Variants in NKAIN3 observed in about 807,000 individuals in gnomAD.
NKAIN3 encodes the protein sodium/potassium transporting ATPase interacting 3.
Under a neutral mutation model 30.2 loss-of-function variants are expected in NKAIN3, and 25 were observed. The ratio of observed to expected loss-of-function variants is 0.83; its 90% CI spans 0.60 to 1.16. The LOEUF (loss-of-function observed/expected upper bound fraction) is 1.16. NKAIN3 is among the 50% of genes most tolerant of loss of function. The pLI is 0.00. For synonymous variants in NKAIN3, 91 were observed against 89.6 expected, an observed-to-expected ratio of 1.02 and a Z score of -0.09; for missense variants, 225 against 254.1, an observed-to-expected ratio of 0.89 and a Z score of 0.78.
intron 3 of NKAIN3, among the ~76,000 whole-genome samples, chr8:62,647,777 A>G (rs1812511413): frequency 6.6e-6 from 1 of 152,222 alleles, no homozygotes; most frequent in African/African-American, 2.4e-5. Flanking sequence ...AGATGAAGTT[A>G]GGGAATAAGG....
At chr8:62,271,123 A>G (rs376992531) in intron 1 of NKAIN3, among the ~76,000 whole-genome samples, 1 of 152,222 alleles carries the variant, frequency 6.6e-6, no homozygotes, top group African/African-American at 2.4e-5. Context: ...TAGAAATAAT[A>G]TAGAGAGTCA....
chr8:62,787,092 G>A (rs966837201), intron 4 of NKAIN3, among the ~76,000 whole-genome samples: 15 of 152,286 alleles, frequency 9.8e-5, no homozygotes, highest in Non-Finnish European at 1.6e-4. Flanking sequence ...CTTTTCTTGA[G>A]ATGATTCTGT....
At chr8:62,443,747 T>C (rs1462442030) in intron 1 of NKAIN3, among the ~76,000 whole-genome samples, 3 of 152,128 alleles carry the variant, frequency 2.0e-5, no homozygotes, top group Admixed American at 1.3e-4. Flanking sequence ...TTTCTTATTT[T>C]ATAATTTTTC....
chr8:62,897,425 T>C (rs1586322242), intron 4 of NKAIN3, among the ~76,000 whole-genome samples: 1 of 152,260 alleles, frequency 6.6e-6, no homozygotes, highest in South Asian at 2.1e-4. Flanking sequence ...AATAAACTGA[T>C]TTGCCAAGAC....
chr8:62,939,380 T>A (rs1822884798), intron 5 of NKAIN3, among the ~76,000 whole-genome samples: 1 of 152,032 alleles, frequency 6.6e-6, no homozygotes, highest in Non-Finnish European at 1.5e-5. Context: ...GATCTAGACA[T>A]CCAAATACAA....
intron 1 of NKAIN3, among the ~76,000 whole-genome samples, chr8:62,571,355 T>C (rs919927909): frequency 6.6e-6 from 1 of 151,750 alleles, no homozygotes; most frequent in Non-Finnish European, 1.5e-5. Flanking sequence ...AGTCATGAGG[T>C]TGGTTGCCGT....
chr8:62,849,978 G>A (rs904622808), intron 4 of NKAIN3, among the ~76,000 whole-genome samples: 7 of 152,144 alleles, frequency 4.6e-5, no homozygotes, highest in Admixed American at 1.3e-4. Flanking sequence ...CCAGTAATGC[G>A]ATAGCTGGGT....
chr8:62,489,550 T>A (rs993761503), intron 1 of NKAIN3, among the ~76,000 whole-genome samples: 2 of 152,178 alleles, frequency 1.3e-5, no homozygotes, highest in Admixed American at 6.5e-5. Context: ...TAACCAAGAT[T>A]TTTTAAAAAT....
At chr8:62,630,852 TC>T (rs1164081272) in intron 3 of NKAIN3, among the ~76,000 whole-genome samples, 6 of 152,126 alleles carry the variant, frequency 3.9e-5, no homozygotes, top group Non-Finnish European at 7.4e-5. Context: ...TCTGTTTTTC[TC>T]CCCCAACTGC....
intron 1 of NKAIN3, among the ~76,000 whole-genome samples, chr8:62,403,186 G>T (rs1803945160): frequency 1.3e-5 from 2 of 152,100 alleles, no homozygotes; most frequent in South Asian, 4.1e-4. Flanking sequence ...GATTATTTAG[G>T]GTATCTGGTG....
At chr8:62,411,809 G>A (rs1804244846) in intron 1 of NKAIN3, among the ~76,000 whole-genome samples, 1 of 151,992 alleles carries the variant, frequency 6.6e-6, no homozygotes, top group South Asian at 2.1e-4. Context: ...CTCTACAATA[G>A]CAACAAAGAA....
chr8:62,343,878 G>A lies in NKAIN3; in HGVS notation c.54+94751G>A, dbSNP rs141003370. 1.8e-4 allele frequency among the ~76,000 whole-genome samples: 28 copies of A among 152,120 alleles called. No individual in the cohort carries two copies. In the East Asian group the frequency reaches 5.4e-3, roughly 29 times the overall value. On this transcript the variant is annotated intron_variant, in intron 1 of 6. Coordinates refer to ENST00000623646, the MANE Select transcript of NKAIN3 (RefSeq NM_001304533.3). Reference sequence around the variant, plus strand: ...TGAATTTGAAAGTGAGTATAAAATTGCTGTAGTATAGAGATCACATTTTGA... The same window carrying A: ...TGAATTTGAAAGTGAGTATAAAATTACTGTAGTATAGAGATCACATTTTGA...
At chr8:62,519,983 CT>C (rs1200840586) in intron 1 of NKAIN3, among the ~76,000 whole-genome samples, 4 of 151,982 alleles carry the variant, frequency 2.6e-5, no homozygotes, top group Non-Finnish European at 2.9e-5. Flanking sequence ...CAGTATTTTC[CT>C]TTTTTTTGCA....
chr8:62,315,357 T>C (rs956818331), intron 1 of NKAIN3, among the ~76,000 whole-genome samples: 1 of 152,182 alleles, frequency 6.6e-6, no homozygotes, highest in African/African-American at 2.4e-5. Flanking sequence ...TGTCTTTATT[T>C]TAATTTCCAG....
chr8:62,556,294 A>G (rs568515271), intron 1 of NKAIN3, among the ~76,000 whole-genome samples: 5 of 152,046 alleles, frequency 3.3e-5, no homozygotes, highest in African/African-American at 1.2e-4. Flanking sequence ...TTGATAACAT[A>G]TATGTATGCT....
chr8:62,462,509 A>G (rs1806029227), intron 1 of NKAIN3, among the ~76,000 whole-genome samples: 1 of 152,148 alleles, frequency 6.6e-6, no homozygotes, highest in African/African-American at 2.4e-5. Flanking sequence ...CTCTGGGCAA[A>G]GTCCCTGCTG....
At chr8:62,590,864 G>T (rs1023106005) in intron 3 of NKAIN3, among the ~76,000 whole-genome samples, 1 of 151,706 alleles carries the variant, frequency 6.6e-6, no homozygotes, top group Non-Finnish European at 1.5e-5. Context: ...GCTCACATTG[G>T]CAACTGTATT....
intron 4 of NKAIN3, among the ~76,000 whole-genome samples, chr8:62,826,279 A>T (rs1480114): frequency 0.87 from 131,368 of 151,682 alleles, 56,894 homozygotes; most frequent in African/African-American, 0.9. Flanking sequence ...GGTGTGTGTG[A>T]GTGTTTGTGT....
chr8:62,331,446 A>T (rs1815353787), intron 1 of NKAIN3, among the ~76,000 whole-genome samples: 1 of 152,092 alleles, frequency 6.6e-6, no homozygotes, highest in African/African-American at 2.4e-5. Context: ...GAAGGCAGGG[A>T]CCACACCTCA....
Sources: allele counts gnomAD v4.1 joint callset (sites outside exome capture counted in the v4.1 genomes callset), GRCh38; gene constraint gnomAD v4.1.1; transcripts MANE v1.5; gene names NCBI Gene and HGNC (gene_info 2026-07-23, HGNC 2026-07-21).